Variants in NRAP observed in about 807,000 individuals in gnomAD.
The protein encoded by NRAP is nebulin related anchoring protein, also known as nebulin-related-anchoring protein.
In NRAP, 189 loss-of-function variants were observed where a neutral mutation model predicts 225.9. The observed-to-expected ratio is 0.84, with a 90% CI of 0.74 to 0.94. The LOEUF is 0.94. Ranked by LOEUF, NRAP falls within the 40% of genes least tolerant of loss-of-function variation. NRAP has a pLI of 0.00. For missense variants in NRAP, 2,176 were observed against 2,168.7 expected (o/e 1.00, Z -0.07); for synonymous variants, 769 against 790.7 (o/e 0.97, Z 0.46).
Position 113,630,532 on chromosome 10 carries a change from G to T in NRAP, c.1843-747C>A, listed in dbSNP as rs573851503. Reference sequence around the variant, plus strand: ...TATGCTATAGTAGAAGGAGTGTGGTGCCAGGTAATAAGAGTTCTAGGCTCT... The same window carrying T: ...TATGCTATAGTAGAAGGAGTGTGGTTCCAGGTAATAAGAGTTCTAGGCTCT... On this transcript the variant is annotated intron_variant, in intron 18 of 41. Coordinates refer to ENST00000359988, the MANE Select transcript of NRAP (RefSeq NM_198060.4). 8.5e-5 allele frequency among the ~76,000 whole-genome samples: 13 copies of T among 152,256 alleles called. No homozygotes were observed. The South Asian group carries it at 2.3e-3, about 27-fold the overall frequency.
At chr10:113,590,535 C>T in intron 40 of NRAP, 43 bp downstream of exon 40, 1 of 1,577,438 alleles carries the variant, frequency 6.3e-7, no homozygotes, top group Middle Eastern at 1.9e-4. Flanking sequence ...TAGGAAGAGG[C>T]ACCAGGGGAA....
In NRAP at chr10:113,646,940, G is replaced by A; in HGVS notation, c.976C>T (p.His326Tyr). 1.2e-6 allele frequency: 2 copies of A among 1,613,596 alleles called. No homozygotes were observed. The highest frequency in any genetic ancestry group is 2.2e-5 in the East Asian group (1 of 44,884). Residue 326 changes from histidine to tyrosine, a missense_variant, in exon 10 of 42, where the codon CAC (histidine) becomes TAC (tyrosine). Coordinates refer to ENST00000359988, the MANE Select transcript of NRAP (RefSeq NM_198060.4). Reference protein sequence around the residue: ...TPAYQNAKKAHELASDIKYRQ... With the variant: ...TPAYQNAKKAYELASDIKYRQ... Reference sequence around the variant, plus strand: ...GTACTTACGTCACTAGCGAGTTCGTGAGCTTTCTTGGCGTTCTGATATGCT... The same window carrying A: ...GTACTTACGTCACTAGCGAGTTCGTAAGCTTTCTTGGCGTTCTGATATGCT...
intron 20 of NRAP, among the ~76,000 whole-genome samples, 171 bp downstream of exon 20, chr10:113,628,746 G>C (rs1256133745): frequency 6.6e-6 from 1 of 152,174 alleles, no homozygotes; most frequent in African/African-American, 2.4e-5. Context: ...TAAGTTTAAG[G>C]GTGTGGAAAG....
At chr10:113,605,030 G>A in intron 34 of NRAP, 110 bp from the exon 35 acceptor site, 2 of 1,221,444 alleles carry the variant, frequency 1.6e-6, no homozygotes, top group South Asian at 1.5e-5. Flanking sequence ...AAAAACCACA[G>A]TGGGGCTGGC....
chr10:113,608,071 C>T (rs1396292692), intron 32 of NRAP, among the ~76,000 whole-genome samples: 1 of 152,234 alleles, frequency 6.6e-6, no homozygotes, highest in Non-Finnish European at 1.5e-5. Flanking sequence ...CAGACCAGTA[C>T]TTCTCAGATC....
At chr10:113,658,064 T>TC (rs1421518263) in intron 3 of NRAP, among the ~76,000 whole-genome samples, 1 of 152,364 alleles carries the variant, frequency 6.6e-6, no homozygotes, top group East Asian at 1.9e-4. Context: ...TTCATTTTTT[T>TC]CTATATAAAT....
At chr10:113,647,960 G>A (rs1410066643) in intron 9 of NRAP, among the ~76,000 whole-genome samples, 1 of 152,138 alleles carries the variant, frequency 6.6e-6, no homozygotes, top group Non-Finnish European at 1.5e-5. Context: ...CCCCTCCCTG[G>A]CAGCCAGATG....
intron 35 of NRAP, among the ~76,000 whole-genome samples, chr10:113,603,252 G>C: frequency 1.3e-5 from 2 of 152,238 alleles, no homozygotes; most frequent in Non-Finnish European, 2.9e-5. Flanking sequence ...AGCCAGTAGT[G>C]GGGGAGCTAT....
rs147795113 is a variant in NRAP at position 113,598,050 on chromosome 10, G to T, written c.4251C>A (p.Ile1417=). Residue 1417 remains isoleucine (I), a synonymous_variant, in exon 36 of 42, where the codon ATC becomes ATA. Transcript: ENST00000359988. ...CCAGCCATCCTATGCCCTTCATGCC[G>T]ATCAGGTCTGACTTGTAGCGCAACT... ...QSELRYKSDL[I]GMKGIGWLAL... 6.8e-6 allele frequency: 11 copies of T among 1,613,390 alleles called. No homozygotes were observed. Among genetic ancestry groups the T allele is most frequent in the East Asian group, 4.5e-5 (2 of 44,858 alleles).
intron 40 of NRAP, 84 bp from the exon 41 acceptor site, chr10:113,589,881 A>AGGCCCCTTGC: frequency 6.8e-7 from 1 of 1,471,342 alleles, no homozygotes; most frequent in Non-Finnish European, 9.3e-7. Context: ...TTAAAAAGGC[A>AGGCCCCTTGC]GCCACAGTAT....
At chr10:113,616,727 T>C (rs1847685486) in intron 26 of NRAP, among the ~76,000 whole-genome samples, 1 of 152,244 alleles carries the variant, frequency 6.6e-6, no homozygotes, top group African/African-American at 2.4e-5. Context: ...CCAAGGTTTG[T>C]AAATTTTCCC....
Position 113,628,969 on chromosome 10 carries a change from T to A in NRAP, c.2093A>T (p.Glu698Val). ...AWMKGVGWLT[E>V]GSLNLEQAKK... ...GGCTTGTTCCAAGTTGAGACTCCCC[T>A]CTGTCAGCCACCCAACTCCCTTCAT... Residue 698 changes from glutamate (E) to valine (V), a missense_variant, in exon 20 of 42, where the codon GAG becomes GTG. Physicochemically the swap from Glu to Val is moderately radical, Grantham distance 121. This residue lies in a region of NRAP where 1,708 missense variants were observed against 1,695.5 expected (regional missense o/e 1.01). Coordinates refer to ENST00000359988, the MANE Select transcript of NRAP (RefSeq NM_198060.4). The A allele has an allele frequency of 6.2e-7, 1 of 1,613,716 alleles. No homozygotes were observed. Among genetic ancestry groups the A allele is most frequent in the Non-Finnish European group, 8.5e-7 (1 of 1,179,804 alleles).
At chr10:113,605,905 A>AGAT in intron 33 of NRAP, 36 bp from the exon 34 acceptor site, 1 of 1,474,776 alleles carries the variant, frequency 6.8e-7, no homozygotes, top group Non-Finnish European at 9.5e-7. Context: ...TTTTTAAAAA[A>AGAT]TTACATGAAT....
chr10:113,660,654 T>G (rs962363696), intron 3 of NRAP, among the ~76,000 whole-genome samples: 1 of 152,204 alleles, frequency 6.6e-6, no homozygotes, highest in Admixed American at 6.5e-5. Context: ...ACAGACATTA[T>G]GGATCTTTCT....
chr10:113,634,617 A>G (rs928814139), intron 14 of NRAP, among the ~76,000 whole-genome samples: 6 of 152,228 alleles, frequency 3.9e-5, no homozygotes, highest in Non-Finnish European at 8.8e-5. Flanking sequence ...AGAAGTGCAG[A>G]TTGGTACAAC....
chr10:113,597,989 C>G lies in NRAP; in HGVS notation c.4312G>C (p.Ala1438Pro). 6.2e-7 allele frequency: 1 copy of G among 1,613,010 alleles called. No individual in the cohort carries two copies. The highest frequency in any genetic ancestry group is 8.5e-7 in the Non-Finnish European group (1 of 1,179,154). ...RSPQMESAKK[A>P]GELISETKYR... ...GGTACCTCGCTGATGAGTTCTCCAG[C>G]CTTCTTTGCACTCTCCATCTGTGGG... is the stretch of plus-strand genomic sequence containing the variant. The change falls in exon 36 of 42, where the codon GCT becomes CCT. Residue 1438 changes from alanine to proline, a missense_variant. Ala to Pro is a conservative substitution (Grantham distance 27). Coordinates refer to ENST00000359988, the MANE Select transcript of NRAP (RefSeq NM_198060.4).
Position 113,590,803 on chromosome 10 carries a change from G to T in NRAP, c.4731C>A (p.Phe1577Leu). The change falls in exon 40 of 42, where the codon TTC becomes TTA. Residue 1577 changes from phenylalanine to leucine, a missense_variant. This residue lies in a region of NRAP where 445 missense variants were observed against 426.1 expected (regional missense o/e 1.04). Transcript: ENST00000359988. ...SVDDDPRMKH[F>L]LNVGRLQSDN... ...CACTCTGGAGCCTGCCAACGTTGAG[G>T]AAATGCTTCATCCTTGGGTCATCGT... The T allele has an allele frequency of 6.2e-7, 1 of 1,614,236 alleles. No individual in the cohort carries two copies. Among genetic ancestry groups the T allele is most frequent in the Non-Finnish European group, 8.5e-7 (1 of 1,180,042 alleles).
intron 26 of NRAP, among the ~76,000 whole-genome samples, 186 bp downstream of exon 26, chr10:113,617,269 A>T (rs959573064): frequency 6.6e-6 from 1 of 152,158 alleles, no homozygotes; most frequent in Non-Finnish European, 1.5e-5. Flanking sequence ...TTCTAAGTGC[A>T]GTAACACCCC....
chr10:113,633,974 G>GTGGGGGTCA (rs1848714744), intron 15 of NRAP, 138 bp downstream of exon 15: 2 of 668,320 alleles, frequency 3.0e-6, no homozygotes, highest in Non-Finnish European at 5.4e-6. Flanking sequence ...TTTAAAAGAA[G>GTGGGGGTCA]TGGGGGTCAT....
Sources: allele counts gnomAD v4.1 joint callset (sites outside exome capture counted in the v4.1 genomes callset), GRCh38; gene constraint gnomAD v4.1.1; regional missense constraint gnomAD v4.1.1; transcripts MANE v1.5; gene names NCBI Gene and HGNC (gene_info 2026-07-23, HGNC 2026-07-21).